The following ZNF346 variants were observed in gnomAD, a reference collection of about 807,000 sequenced individuals.
ZNF346 encodes the protein zinc finger protein 346.
ZNF346 carries 23 observed loss-of-function variants against 33.7 expected under a neutral mutation model. That is an observed-to-expected ratio of 0.68 (90% CI 0.49 to 0.97). ZNF346 has a LOEUF of 0.97. Ranked by LOEUF, ZNF346 falls within the 50% of genes least tolerant of loss-of-function variation. The pLI is 0.00. For synonymous variants in ZNF346, 134 were observed against 142.4 expected (o/e 0.94, Z 0.42); for missense variants, 340 against 371.1 (o/e 0.92, Z 0.69).
At chr5:177,060,413 C>T (rs779905804) in intron 5 of ZNF346, among the ~76,000 whole-genome samples, 2 of 151,566 alleles carry the variant, frequency 1.3e-5, no homozygotes, top group African/African-American at 2.4e-5. Flanking sequence ...GCCAGCTACT[C>T]GAGAGGCTGA....
chr5:177,027,867 T>C (rs762059216), intron 1 of ZNF346, among the ~76,000 whole-genome samples: 2 of 151,436 alleles, frequency 1.3e-5, no homozygotes, highest in African/African-American at 2.4e-5. Context: ...GGTCTGAAAC[T>C]CCTGGCCTCT....
At chr5:177,024,413 T>C (rs1197885014) in intron 1 of ZNF346, among the ~76,000 whole-genome samples, 1 of 151,856 alleles carries the variant, frequency 6.6e-6, no homozygotes, top group Non-Finnish European at 1.5e-5. Context: ...GGCCAGGCTG[T>C]TCTCGAACTC....
chr5:177,078,561 C>T (rs1783857282), intron 8 of ZNF346, among the ~76,000 whole-genome samples: 1 of 152,180 alleles, frequency 6.6e-6, no homozygotes, highest in Non-Finnish European at 1.5e-5. Context: ...GCAGGAGGAT[C>T]CTGCGAGCCT....
chr5:177,042,838 CT>C (rs1000921269), intron 3 of ZNF346, among the ~76,000 whole-genome samples: 64 of 152,158 alleles, frequency 4.2e-4, no homozygotes, highest in Admixed American at 1.6e-3. Context: ...TCAAGTGATC[CT>C]CCCACTTCAA....
rs563712743 is a variant in ZNF346 at position 177,048,697 on chromosome 5, CATGCTGTCACCT to C, written c.518-2049_518-2038del. On this transcript the variant is annotated intron_variant, in intron 4 of 6. Coordinates refer to ENST00000358149, the MANE Select transcript of ZNF346 (RefSeq NM_012279.4). ...CTCTCTGTGCTTTTGATCTTTTTTC[CATGCTGTCACCT>C]ATGCGTTTGTTGTTGTTCTATAAAA... 1.1e-4 allele frequency among the ~76,000 whole-genome samples: 16 copies of C among 152,164 alleles called. 1 individual carries two copies. In the East Asian group the frequency reaches 3.1e-3, roughly 29 times the overall value.
At position 177,022,718 on chromosome 5, in the gene ZNF346, C is replaced by A. The variant is rs1380148979; in HGVS notation, c.-21C>A. The stretch of plus-strand genomic sequence containing the variant: ...CCTAGGCGCCTGAGAGGCTCTCTAC[C>A]GGTGAGGGTTTGCGGGGAAGATGGA... On this transcript the variant is annotated 5_prime_UTR_variant, in exon 1 of 7. Coordinates refer to ENST00000358149, the MANE Select transcript of ZNF346 (RefSeq NM_012279.4). The A allele has an allele frequency of 6.5e-7, 1 of 1,536,518 alleles. No homozygotes were observed. Among genetic ancestry groups the A allele is most frequent in the Non-Finnish European group, 8.7e-7 (1 of 1,147,642 alleles).
chr5:177,028,423 G>A (rs926534906), intron 1 of ZNF346, among the ~76,000 whole-genome samples: 1 of 146,882 alleles, frequency 6.8e-6, no homozygotes, highest in African/African-American at 2.5e-5. Context: ...GCTGATTTGA[G>A]TGATTTGAGA....
intron 1 of ZNF346, among the ~76,000 whole-genome samples, chr5:177,025,194 C>G (rs928539488): frequency 6.6e-6 from 1 of 152,206 alleles, no homozygotes; most frequent in Non-Finnish European, 1.5e-5. Context: ...TGGCTTCTCT[C>G]AGCATGTTTT....
At chr5:177,047,679 C>G (rs1278515622) in intron 4 of ZNF346, among the ~76,000 whole-genome samples, 1 of 152,006 alleles carries the variant, frequency 6.6e-6, no homozygotes, top group Non-Finnish European at 1.5e-5. Flanking sequence ...TTAATTTTTG[C>G]ATTTTTAATA....
At chr5:177,074,276 A>C (rs1783640767) in intron 8 of ZNF346, among the ~76,000 whole-genome samples, 1 of 152,076 alleles carries the variant, frequency 6.6e-6, no homozygotes, top group Admixed American at 6.5e-5. Flanking sequence ...GAAAAACCCC[A>C]CCCTCAGCTT....
intron 3 of ZNF346, 140 bp downstream of exon 3, chr5:177,042,010 C>G (rs1779404771): frequency 3.7e-6 from 2 of 538,062 alleles, no homozygotes; most frequent in Admixed American, 6.5e-5. Flanking sequence ...CTTCACAAAG[C>G]CTTGATTTCT....
intron 8 of ZNF346, among the ~76,000 whole-genome samples, chr5:177,074,822 C>A (rs1184385165): frequency 6.6e-6 from 1 of 151,936 alleles, no homozygotes; most frequent in African/African-American, 2.4e-5. Context: ...AATCCCAGCA[C>A]TTTGGGAGGC....
chr5:177,048,787 CTTT>C (rs58509601), intron 4 of ZNF346, among the ~76,000 whole-genome samples: 3 of 132,176 alleles, frequency 2.3e-5, no homozygotes, highest in Non-Finnish European at 1.6e-5. Context: ...CTTTTTTTTT[CTTT>C]TTTTTTTTTT....
chr5:177,071,224 G>T (rs1783482559), downstream of ZNF346, among the ~76,000 whole-genome samples: 1 of 152,104 alleles, frequency 6.6e-6, no homozygotes, highest in South Asian at 2.1e-4. Context: ...AAGTAGCAAT[G>T]AACAGGTAGA....
chr5:177,076,766 C>A (rs537240235), intron 8 of ZNF346, among the ~76,000 whole-genome samples: 4 of 152,132 alleles, frequency 2.6e-5, no homozygotes, highest in African/African-American at 9.7e-5. Context: ...TTGAGCCGGG[C>A]GTGGTGGCTC....
chr5:177,060,311 A>G (rs556206855), intron 5 of ZNF346, among the ~76,000 whole-genome samples: 1 of 152,328 alleles, frequency 6.6e-6, no homozygotes, highest in East Asian at 1.9e-4. Context: ...TCATGAGGTC[A>G]GGAGTTTGAG....
At chr5:177,071,359 A>G (rs1783488348), downstream of ZNF346, among the ~76,000 whole-genome samples, 1 of 146,330 alleles carries the variant, frequency 6.8e-6, no homozygotes, top group Non-Finnish European at 1.5e-5. Context: ...ACATAATGGG[A>G]GCCTCTTAAA....
At chr5:177,028,983 T>G (rs1450788938) in intron 1 of ZNF346, among the ~76,000 whole-genome samples, 1 of 151,750 alleles carries the variant, frequency 6.6e-6, no homozygotes, top group Non-Finnish European at 1.5e-5. Context: ...CCTCCCAAAG[T>G]GCTGGGATTA....
chr5:177,068,183 A>G (rs900894264), downstream of ZNF346, among the ~76,000 whole-genome samples: 1 of 143,278 alleles, frequency 7.0e-6, no homozygotes, highest in Non-Finnish European at 1.5e-5. Context: ...GCAGCCACTC[A>G]GGGCAGGGGC....
Sources: allele counts gnomAD v4.1 joint callset (sites outside exome capture counted in the v4.1 genomes callset), GRCh38; gene constraint gnomAD v4.1.1; transcripts MANE v1.5; gene names NCBI Gene and HGNC (gene_info 2026-07-23, HGNC 2026-07-21).